Variants in NRTN observed in about 807,000 individuals in gnomAD.
The protein encoded by NRTN is prepro-neurturin.
NRTN carries 3 observed loss-of-function variants against 7.5 expected under a neutral mutation model. That is an observed-to-expected ratio of 0.40 (90% CI 0.18 to 1.03). The LOEUF (loss-of-function observed/expected upper bound fraction) is 1.03, where lower values mean the gene tolerates loss of function less well. Among genes scored for constraint, NRTN ranks in the 50% least tolerant of loss-of-function variants. The probability of loss-of-function intolerance (pLI) is 0.34; values close to 1 mark genes in which losing one functional copy is unlikely to be tolerated. For synonymous variants in NRTN, 157 were observed against 146.6 expected (o/e 1.07, Z -0.51); for missense variants, 310 against 307.0 (o/e 1.01, Z -0.07).
Position 5,823,849 on chromosome 19 carries a change from C to T in NRTN, c.-317C>T, listed in dbSNP as rs1203458964. 4 of 495,166 alleles carry T rather than the reference C, an allele frequency of 8.1e-6. No homozygotes were observed. The highest frequency in any genetic ancestry group is 7.5e-5 in the East Asian group (2 of 26,686). The allele number at this position is 495,166 out of a possible 1,614,324, so 30.7% of individuals were successfully genotyped here. A position where few individuals can be genotyped will look rare whatever the true frequency, so the allele number is the denominator to read the frequency against. On this transcript the variant is annotated 5_prime_UTR_variant, in exon 2 of 3. Coordinates refer to ENST00000303212, the MANE Select transcript of NRTN (RefSeq NM_004558.5). ...TCGGGGCCTTTGCACTGGCTGTGTC[C>T]CCTGCCTGTGATGCCATTCTCCTCT...
At chr19:5,820,758 A>AAAAAAC in intron 1 of NRTN, among the ~76,000 whole-genome samples, 1 of 150,428 alleles carries the variant, frequency 6.6e-6, no homozygotes, top group Non-Finnish European at 1.5e-5. Flanking sequence ...AAAAAAAAAA[A>AAAAAAC]AAAAAAAAAG....
At chr19:5,813,310 G>A (rs2056995835) in intron 1 of NRTN, among the ~76,000 whole-genome samples, 2 of 151,670 alleles carry the variant, frequency 1.3e-5, no homozygotes, top group South Asian at 4.2e-4. Context: ...AGAGGCGGGC[G>A]GATCACCTGA....
At position 5,826,427 on chromosome 19, in the gene NRTN, T is replaced by C. The variant is rs377397695; in HGVS notation, c.170-1322T>C. Reference sequence around the variant, plus strand: ...TGGGACAGACAGGGAAACTGAGGCCTGAGGTTGCAAGTGGCGAAAGTGGCA... The same window carrying C: ...TGGGACAGACAGGGAAACTGAGGCCCGAGGTTGCAAGTGGCGAAAGTGGCA... On this transcript the variant is annotated intron_variant, in intron 2 of 2. Transcript: ENST00000303212. Among the ~76,000 whole-genome samples, 429 of 152,132 alleles carry C rather than the reference T, an allele frequency of 2.8e-3. 4 individuals are homozygous for C. Among genetic ancestry groups the C allele is most frequent in the South Asian group, 0.026 (124 of 4,818 alleles).
chr19:5,817,173 C>CA (rs2057007534), intron 1 of NRTN, among the ~76,000 whole-genome samples: 1 of 151,114 alleles, frequency 6.6e-6, no homozygotes, highest in Admixed American at 6.6e-5. Flanking sequence ...CAGTTTCTAC[C>CA]AAAAAACAAA....
rs566059380 is a variant in NRTN at position 5,806,668 on chromosome 19, C to T, written c.-399+1217C>T. 5.9e-5 allele frequency among the ~76,000 whole-genome samples: 9 copies of T among 152,220 alleles called. No homozygotes were observed. Among genetic ancestry groups the T allele is most frequent in the East Asian group, 1.9e-4 (1 of 5,166 alleles). On this transcript the variant is annotated intron_variant, in intron 1 of 2. Coordinates refer to ENST00000303212, the MANE Select transcript of NRTN (RefSeq NM_004558.5). The surrounding 1 kb of genome is among the most constrained non-coding windows in gnomAD (Gnocchi z 5.4). The stretch of plus-strand genomic sequence containing the variant: ...CTAAGACTCCCGAGGTTCATAGCTC[C>T]GGCACCGACTCCACCCCCAGGGAGC...
At chr19:5,819,365 A>G (rs964951002) in intron 1 of NRTN, among the ~76,000 whole-genome samples, 1 of 152,208 alleles carries the variant, frequency 6.6e-6, no homozygotes, top group Admixed American at 6.5e-5. Flanking sequence ...CGTCTCTACA[A>G]AAAATATAAA....
intron 2 of NRTN, among the ~76,000 whole-genome samples, chr19:5,825,338 G>C (rs966726584): frequency 1.3e-5 from 2 of 152,178 alleles, no homozygotes; most frequent in African/African-American, 4.8e-5. Flanking sequence ...CCATGCGTGC[G>C]CCTGCGCGGG....
At chr19:5,820,908 T>C (rs1599637901) in intron 1 of NRTN, among the ~76,000 whole-genome samples, 1 of 152,172 alleles carries the variant, frequency 6.6e-6, no homozygotes, top group South Asian at 2.1e-4. Context: ...AAACCTCCTC[T>C]CCTCTCTCTT....
chr19:5,826,027 C>T (rs1002632271), intron 2 of NRTN, among the ~76,000 whole-genome samples: 9 of 151,810 alleles, frequency 5.9e-5, no homozygotes, highest in Non-Finnish European at 1.0e-4. Flanking sequence ...CCCAGCTACT[C>T]GGGAGGCTGA....
chr19:5,820,367 C>A (rs1316134368), intron 1 of NRTN, among the ~76,000 whole-genome samples: 21 of 148,874 alleles, frequency 1.4e-4, no homozygotes, highest in Admixed American at 6.7e-5. Context: ...GAGATCAAGA[C>A]CATCCTGGCT....
At chr19:5,815,379 A>C (rs1348433685) in intron 1 of NRTN, among the ~76,000 whole-genome samples, 1 of 150,106 alleles carries the variant, frequency 6.7e-6, no homozygotes, top group Non-Finnish European at 1.5e-5. Flanking sequence ...CAGCACGTGG[A>C]TATAACGTTT....
chr19:5,820,991 G>A (rs2057022793), intron 1 of NRTN, among the ~76,000 whole-genome samples: 1 of 152,132 alleles, frequency 6.6e-6, no homozygotes, highest in Non-Finnish European at 1.5e-5. Context: ...GTCTGCCCCA[G>A]GGCCTTTGCA....
At chr19:5,820,204 T>A (rs2057018856) in intron 1 of NRTN, among the ~76,000 whole-genome samples, 1 of 138,100 alleles carries the variant, frequency 7.2e-6, no homozygotes, top group African/African-American at 2.9e-5. Flanking sequence ...AGGCGGAGGT[T>A]GCAGTGAGCC....
chr19:5,827,975 C>T lies in NRTN; in HGVS notation c.396C>T (p.Gly132=). 1 of 1,471,732 alleles carries T rather than the reference C, an allele frequency of 6.8e-7. No homozygotes were observed. The highest frequency in any genetic ancestry group is 8.9e-7 in the Non-Finnish European group (1 of 1,117,572). 91.2% of individuals were successfully genotyped at this position (1,471,732 alleles called of 1,614,324 possible). A position where few individuals can be genotyped will look rare whatever the true frequency, so the allele number is the denominator to read the frequency against. ...CGGTGCTGTTCCGCTACTGCGCAGGCGCCTGCGAGGCTGCCGCGCGCGTCT... is the reference window on the plus strand; with the variant it reads ...CGGTGCTGTTCCGCTACTGCGCAGGTGCCTGCGAGGCTGCCGCGCGCGTCT... The part of the protein sequence containing the change: ...DETVLFRYCA[G]ACEAAARVYD... Residue 132 remains glycine (G), a synonymous_variant, in exon 3 of 3, where the codon GGC becomes GGT. Transcript: ENST00000303212.
chr19:5,822,701 G>C (rs1310792817), intron 1 of NRTN, among the ~76,000 whole-genome samples: 1 of 152,174 alleles, frequency 6.6e-6, no homozygotes, highest in Non-Finnish European at 1.5e-5. Context: ...TCCAAGCTGA[G>C]ATTGCAAGGG....
At chr19:5,819,650 C>A in intron 1 of NRTN, among the ~76,000 whole-genome samples, 1 of 150,692 alleles carries the variant, frequency 6.6e-6, no homozygotes, top group Non-Finnish European at 1.5e-5. Flanking sequence ...GCAACAAGAG[C>A]AAAATTCCAT....
intron 2 of NRTN, among the ~76,000 whole-genome samples, chr19:5,827,356 G>C (rs1350230378): frequency 6.6e-6 from 1 of 152,100 alleles, no homozygotes; most frequent in Non-Finnish European, 1.5e-5. Context: ...GGAGGACGAG[G>C]AGAATGGAGC....
chr19:5,805,167 G>A lies in NRTN; in HGVS notation c.-683G>A, dbSNP rs1341705204. On this transcript the variant is annotated 5_prime_UTR_variant, in exon 1 of 3. Coordinates refer to ENST00000303212, the MANE Select transcript of NRTN (RefSeq NM_004558.5). ...GCTGCGCGCCGAGGCCGCCTGCGCC[G>A]TCCGTGCGCCCCCGCGCCCCGCGCC... Among the ~76,000 whole-genome samples, 1 of 146,320 alleles carries A rather than the reference G, an allele frequency of 6.8e-6. No individual in the cohort carries two copies. The highest frequency in any genetic ancestry group is 2.5e-5 in the African/African-American group (1 of 40,770).
chr19:5,818,356 A>C (rs112880059), intron 1 of NRTN, among the ~76,000 whole-genome samples: 8,186 of 149,946 alleles, frequency 0.055, 748 homozygotes, highest in African/African-American at 0.19. Flanking sequence ...TGAGTGTGTG[A>C]GTGTGTGTAT....
Sources: gnomAD v4.1 joint callset for allele counts (sites outside exome capture counted in the v4.1 genomes callset) on GRCh38, gnomAD v4.1.1 for gene constraint, Gnocchi (gnomAD v3.1) non-coding constraint, MANE v1.5 for transcripts, NCBI Gene and HGNC (gene_info 2026-07-23, HGNC 2026-07-21) for gene names.